Variants in NFIB observed in about 807,000 individuals in gnomAD.
The protein encoded by NFIB is nuclear factor 1 B-type.
A neutral mutation model predicts 61.5 loss-of-function variants in NFIB; 11 were observed. That is an observed-to-expected ratio of 0.18 (90% CI 0.11 to 0.30). The LOEUF is 0.30. Ranked by LOEUF, NFIB falls within the 10% of genes least tolerant of loss-of-function variation. The pLI is 1.00. For missense variants in NFIB, 471 were observed against 608.9 expected (o/e 0.77, Z 2.38); for synonymous variants, 260 against 216.5 (o/e 1.20, Z -1.76).
intron 2 of NFIB, among the ~76,000 whole-genome samples, chr9:14,283,264 T>C (rs2058496980): frequency 1.3e-5 from 2 of 152,194 alleles, no homozygotes; most frequent in Admixed American, 1.3e-4. Context: ...GCATCAGCCA[T>C]TCTTAAAGGT....
intron 6 of NFIB, among the ~76,000 whole-genome samples, chr9:14,130,973 G>A (rs914631138): frequency 5.9e-5 from 9 of 152,166 alleles, no homozygotes; most frequent in East Asian, 1.9e-4. Flanking sequence ...ACAAAACCAC[G>A]TGGTCCCTGT....
At chr9:14,441,568 C>T in the NFIB span, among the ~76,000 whole-genome samples, 2 of 149,632 alleles carry the variant, frequency 1.3e-5, no homozygotes, top group African/African-American at 4.9e-5. Context: ...TTGCATATAG[C>T]CCAGAATTCT....
the NFIB span, among the ~76,000 whole-genome samples, chr9:14,480,995 C>T: frequency 9.9e-5 from 15 of 150,982 alleles, no homozygotes; most frequent in Admixed American, 9.9e-4. Flanking sequence ...ACCTATAACA[C>T]CTTGGACATT....
Position 14,336,827 on chromosome 9 carries a change from G to A in NFIB, c.109-29307C>T, listed in dbSNP as rs183298195. 4.9e-4 allele frequency among the ~76,000 whole-genome samples: 74 copies of A among 152,088 alleles called. No homozygotes were observed. The East Asian group carries it at 8.3e-3, about 17-fold the overall frequency. On this transcript the variant is annotated intron_variant, in intron 1 of 8. Coordinates refer to the NFIB transcript ENST00000380934. Reference sequence around the variant, plus strand: ...GCTGCTGAATTTTTCAGTTGAAACTGGGCATTTTGTAGCCATAATGCCCAG... The same window carrying A: ...GCTGCTGAATTTTTCAGTTGAAACTAGGCATTTTGTAGCCATAATGCCCAG...
At chr9:14,201,538 T>C (rs1441720100) in intron 2 of NFIB, among the ~76,000 whole-genome samples, 1 of 152,228 alleles carries the variant, frequency 6.6e-6, no homozygotes, top group African/African-American at 2.4e-5. Flanking sequence ...ACAACCTTCC[T>C]GAACCTTATT....
chr9:14,337,198 A>C (rs1588328863), intron 1 of NFIB, among the ~76,000 whole-genome samples: 1 of 152,320 alleles, frequency 6.6e-6, no homozygotes, highest in African/African-American at 2.4e-5. Context: ...ATATACAAGA[A>C]GTTCTCAGTA....
the NFIB span, among the ~76,000 whole-genome samples, chr9:14,493,994 A>C: frequency 6.6e-6 from 1 of 152,206 alleles, no homozygotes; most frequent in Admixed American, 6.5e-5. Flanking sequence ...ATCCCTGAGC[A>C]TAACTGTGGA....
chr9:14,153,018 A>G (rs1398779207), intron 4 of NFIB, among the ~76,000 whole-genome samples: 1 of 152,122 alleles, frequency 6.6e-6, no homozygotes, highest in Non-Finnish European at 1.5e-5. Flanking sequence ...AATAGCAAAA[A>G]AAGAAGATTT....
intron 2 of NFIB, among the ~76,000 whole-genome samples, chr9:14,226,756 C>CTAA (rs1385481054): frequency 1.3e-5 from 2 of 152,038 alleles, no homozygotes; most frequent in Admixed American, 6.6e-5. Context: ...TTTCGATGGA[C>CTAA]TAATAATTAA....
At chr9:14,441,827 A>G in the NFIB span, among the ~76,000 whole-genome samples, 3 of 152,118 alleles carry the variant, frequency 2.0e-5, no homozygotes, top group Non-Finnish European at 2.9e-5. Flanking sequence ...AATATATACA[A>G]TGCATTTATT....
At position 14,309,877 on chromosome 9, in the gene NFIB, T is replaced by G. The variant is rs1473753809; in HGVS notation, c.31-2357A>C. Reference sequence around the variant, plus strand: ...TCACAAAACTAAAACCTTGAGAATGTAAAGAGCACATGAGGTGGAGTGGGT... The same window carrying G: ...TCACAAAACTAAAACCTTGAGAATGGAAAGAGCACATGAGGTGGAGTGGGT... On this transcript the variant is annotated intron_variant, in intron 1 of 10. Coordinates refer to ENST00000380953, the MANE Select transcript of NFIB (RefSeq NM_001190737.2). Among the ~76,000 whole-genome samples the G allele has an allele frequency of 2.6e-5, 4 of 152,346 alleles. No individual in the cohort carries two copies. The East Asian group carries it at 7.7e-4, about 29-fold the overall frequency.
intron 2 of NFIB, among the ~76,000 whole-genome samples, chr9:14,237,008 A>C (rs187598595): frequency 2.6e-5 from 4 of 152,256 alleles, no homozygotes; most frequent in Admixed American, 2.6e-4. Context: ...GGCAAACGCC[A>C]ACATTATTTA....
the NFIB span, among the ~76,000 whole-genome samples, chr9:14,531,252 C>T: frequency 6.6e-6 from 1 of 152,308 alleles, no homozygotes; most frequent in Admixed American, 6.5e-5. Context: ...TGCTCCTTTC[C>T]TTCTTCCCCA....
At chr9:14,204,402 C>T (rs2049396560) in intron 2 of NFIB, 2 of 1,127,926 alleles carry the variant, frequency 1.8e-6, no homozygotes, top group Admixed American at 1.7e-5. Context: ...AGAGACCTCG[C>T]CCGCTTTGTG....
chr9:14,272,860 A>G (rs576252262), intron 2 of NFIB, among the ~76,000 whole-genome samples: 1 of 152,300 alleles, frequency 6.6e-6, no homozygotes, highest in East Asian at 1.9e-4. Flanking sequence ...CTCTCGGTAA[A>G]CAATTTTGTG....
upstream of NFIB, among the ~76,000 whole-genome samples, chr9:14,317,696 A>G (rs2060573030): frequency 1.3e-5 from 2 of 152,226 alleles, no homozygotes; most frequent in African/African-American, 4.8e-5. Flanking sequence ...CTTCTTGTCC[A>G]GCCAATGCCA....
the NFIB span, among the ~76,000 whole-genome samples, chr9:14,499,736 C>A: frequency 1.3e-5 from 2 of 152,138 alleles, no homozygotes; most frequent in Non-Finnish European, 2.9e-5. Context: ...AAATCTCATG[C>A]CTTCCAACTA....
chr9:14,146,004 G>A (rs1443383326), intron 6 of NFIB, among the ~76,000 whole-genome samples: 1 of 151,914 alleles, frequency 6.6e-6, no homozygotes, highest in Non-Finnish European at 1.5e-5. Context: ...CTATTTCCAT[G>A]CTTAATAATC....
chr9:14,466,634 C>A, the NFIB span, among the ~76,000 whole-genome samples: 1 of 152,176 alleles, frequency 6.6e-6, no homozygotes, highest in African/African-American at 2.4e-5. Context: ...ACAGTCCTAC[C>A]AGCAAGGGGC....
Sources: gnomAD v4.1 joint callset for allele counts (sites outside exome capture counted in the v4.1 genomes callset) on GRCh38, gnomAD v4.1.1 for gene constraint, MANE v1.5 for transcripts, NCBI Gene and HGNC (gene_info 2026-07-23, HGNC 2026-07-21) for gene names.